The following EIF4B variants were observed in gnomAD, a reference collection of about 807,000 sequenced individuals.
EIF4B encodes the protein eukaryotic translation initiation factor 4B.
In EIF4B, 8 loss-of-function variants were observed where a neutral mutation model predicts 79.3. The ratio of observed to expected loss-of-function variants is 0.10; its 90% confidence interval spans 0.06 to 0.18. The LOEUF is 0.18. Ranked by LOEUF, EIF4B falls within the 10% of genes least tolerant of loss-of-function variation. EIF4B has a pLI of 1.00. For synonymous variants in EIF4B, 238 were observed against 274.7 expected (o/e 0.87, Z 1.32); for missense variants, 515 against 792.4 (o/e 0.65, Z 4.20).
intron 5 of EIF4B, 167 bp downstream of exon 5, chr12:53,022,027 A>C: frequency 6.6e-6 from 5 of 751,988 alleles, no homozygotes; most frequent in Non-Finnish European, 1.1e-5. Context: ...GTTTGAAGAC[A>C]TTGTAGTTGT....
intron 8 of EIF4B, among the ~76,000 whole-genome samples, chr12:53,032,319 A>G (rs10876398): frequency 0.8 from 121,613 of 152,084 alleles, 50,920 homozygotes; most frequent in Non-Finnish European, 0.93. Context: ...CCACGTGCCT[A>G]TACTCCCAGC....
At position 53,039,967 on chromosome 12, in the gene EIF4B, G is replaced by A. The variant is rs528702798; in HGVS notation, c.1756-176G>A. On this transcript the variant is annotated intron_variant, in intron 14 of 14. Transcript: ENST00000262056. ...GGTGGTATGAGACTATAGTAAGATCGCATGTGCCTCTGACCCTCTTCCCTA... is the reference window on the plus strand; with the variant it reads ...GGTGGTATGAGACTATAGTAAGATCACATGTGCCTCTGACCCTCTTCCCTA... 5.5e-5 allele frequency: 40 copies of A among 731,868 alleles called. 1 individual carries two copies. Among genetic ancestry groups the A allele is most frequent in the South Asian group, 5.1e-4 (28 of 55,236 alleles). 45.3% of individuals were successfully genotyped at this position (731,868 alleles called of 1,614,324 possible).
At chr12:53,015,780 C>G (rs1943139532) in intron 1 of EIF4B, among the ~76,000 whole-genome samples, 1 of 151,958 alleles carries the variant, frequency 6.6e-6, no homozygotes, top group African/African-American at 2.4e-5. Flanking sequence ...AGTTCAAGAC[C>G]AGCCTGGCCA....
At chr12:53,012,494 C>T (rs564511407) in intron 1 of EIF4B, among the ~76,000 whole-genome samples, 107 of 149,970 alleles carry the variant, frequency 7.1e-4, no homozygotes, top group African/African-American at 2.6e-3. Context: ...GCGGAGGTTT[C>T]GGTGAGCCGA....
intron 10 of EIF4B, among the ~76,000 whole-genome samples, chr12:53,036,617 C>CT (rs1310348102): frequency 1.3e-5 from 2 of 151,880 alleles, no homozygotes; most frequent in African/African-American, 4.8e-5. Context: ...TCTCACTACA[C>CT]TCCCCAGGCT....
rs770387086 is a variant in EIF4B, at chr12:53,034,599, ATC to A, written c.1209-8_1209-7del. 12 of 1,613,928 alleles carry A rather than the reference ATC, an allele frequency of 7.4e-6. No homozygotes were observed. The highest frequency in any genetic ancestry group is 4.4e-5 in the South Asian group (4 of 91,068). ...GCCAGGCATAATGTGTATTTTGTGA[ATC>A]TCTCGTACAGACACCCAAGCTGGCG... On this transcript the variant is annotated splice_polypyrimidine_tract_variant and intron_variant, in intron 9 of 14. Transcript: ENST00000262056.
At chr12:53,011,294 A>T (rs1943060082) in intron 1 of EIF4B, among the ~76,000 whole-genome samples, 1 of 152,156 alleles carries the variant, frequency 6.6e-6, no homozygotes, top group African/African-American at 2.4e-5. Flanking sequence ...ATATTCAGAG[A>T]TGTTCAACCA....
chr12:53,019,757 A>G (rs569866783), intron 3 of EIF4B, among the ~76,000 whole-genome samples, 153 bp from the exon 4 acceptor site: 1 of 150,348 alleles, frequency 6.7e-6, no homozygotes, highest in Non-Finnish European at 1.5e-5. Context: ...AGTTTCTACT[A>G]TCCCTCTGCA....
intron 8 of EIF4B, among the ~76,000 whole-genome samples, chr12:53,032,876 G>A (rs1008491488): frequency 6.6e-6 from 1 of 151,952 alleles, no homozygotes; most frequent in African/African-American, 2.4e-5. Flanking sequence ...TCTCCATATT[G>A]GTCAGGCTGG....
In EIF4B at chr12:53,018,879, G is replaced by A. The variant is rs914789549; in HGVS notation, c.233G>A (p.Arg78Gln). 1 of 1,613,676 alleles carries A rather than the reference G, an allele frequency of 6.2e-7. No individual in the cohort carries two copies. The highest frequency in any genetic ancestry group is 8.5e-7 in the Non-Finnish European group (1 of 1,179,874). The change falls in exon 3 of 15, where the codon CGG becomes CAG. Residue 78 changes from arginine (R) to glutamine (Q), a missense_variant. Coordinates refer to ENST00000262056, the MANE Select transcript of EIF4B (RefSeq NM_001417.7). ...IDRSILPTAP[R>Q]AAREPNIDRS... ...CGTTCCATCCTTCCCACTGCTCCAC[G>A]GGCTGCTCGGGAACCCAATATCGAC...
intron 1 of EIF4B, among the ~76,000 whole-genome samples, chr12:53,007,537 G>A (rs1302282124): frequency 2.6e-5 from 4 of 151,412 alleles, no homozygotes; most frequent in African/African-American, 9.7e-5. Context: ...ACCTTGGAGG[G>A]GAGTATCAGT....
intron 10 of EIF4B, among the ~76,000 whole-genome samples, chr12:53,036,487 G>T (rs1248467514): frequency 6.6e-6 from 1 of 151,478 alleles, no homozygotes; most frequent in Non-Finnish European, 1.5e-5. Flanking sequence ...GCTCACTGCA[G>T]CCTCAAACTC....
At chr12:53,022,414 G>A in intron 5 of EIF4B, 79 bp from the exon 6 acceptor site, 2 of 1,583,760 alleles carry the variant, frequency 1.3e-6, no homozygotes, top group Non-Finnish European at 1.7e-6. Context: ...AGGGTAAAAT[G>A]GGGGTTTTCT....
At chr12:53,007,089 G>A (rs1382492033) in intron 1 of EIF4B, among the ~76,000 whole-genome samples, 2 of 152,210 alleles carry the variant, frequency 1.3e-5, no homozygotes, top group Admixed American at 1.3e-4. Flanking sequence ...CAGATGGGAA[G>A]CTTTTTAACG....
intron 1 of EIF4B, chr12:53,013,459 T>C (rs557442261): frequency 6.6e-6 from 1 of 152,372 alleles, no homozygotes; most frequent in African/African-American, 2.4e-5. Flanking sequence ...CCTCATGTCT[T>C]ACTCGTGTTC....
chr12:53,029,068 C>T (rs1943388933), intron 8 of EIF4B, among the ~76,000 whole-genome samples: 1 of 150,384 alleles, frequency 6.6e-6, no homozygotes, highest in Non-Finnish European at 1.5e-5. Flanking sequence ...GAGGTTGCAG[C>T]GAGCTGAGAT....
chr12:53,031,120 C>T (rs1943437683), intron 8 of EIF4B, among the ~76,000 whole-genome samples: 1 of 152,208 alleles, frequency 6.6e-6, no homozygotes, highest in African/African-American at 2.4e-5. Context: ...CTTTCTTGCT[C>T]CGTTCTTCAC....
Position 53,006,480 on chromosome 12 carries a change from C to T in EIF4B, c.-4C>T. On this transcript the variant is annotated 5_prime_UTR_variant, in exon 1 of 15. Coordinates refer to ENST00000262056, the MANE Select transcript of EIF4B (RefSeq NM_001417.7). ...TCTTTTGCGTTCTCTTTCCCTCTCC[C>T]AACATGGCGGCCTCAGGTGAGCGAG... is the stretch of plus-strand genomic sequence containing the variant. The T allele has an allele frequency of 6.2e-7, 1 of 1,613,574 alleles. No homozygotes were observed. Among genetic ancestry groups the T allele is most frequent in the Non-Finnish European group, 8.5e-7 (1 of 1,180,024 alleles).
chr12:53,025,114 C>T (rs1943312768), intron 6 of EIF4B: 1 of 412,328 alleles, frequency 2.4e-6, no homozygotes, highest in Admixed American at 2.9e-5. Flanking sequence ...AAGGATAAAT[C>T]AGCAAGTTTA....
Sources: allele counts gnomAD v4.1 joint callset (sites outside exome capture counted in the v4.1 genomes callset), GRCh38; gene constraint gnomAD v4.1.1; transcripts MANE v1.5; gene names NCBI Gene and HGNC (gene_info 2026-07-23, HGNC 2026-07-21).